The following NCAM1 variants were observed in gnomAD, a reference collection of about 807,000 sequenced individuals.
NCAM1 encodes the protein antigen recognized by monoclonal antibody 5.1H11.
NCAM1 carries 14 observed loss-of-function variants against 109.8 expected under a neutral mutation model. The ratio of observed to expected loss-of-function variants is 0.13; its 90% CI spans 0.08 to 0.20. The LOEUF is 0.20. NCAM1 is among the 10% of genes least tolerant of loss of function. The pLI is 1.00. For synonymous variants in NCAM1, 418 were observed against 442.9 expected, an observed-to-expected ratio of 0.94 and a Z score of 0.70; for missense variants, 774 against 1,109.9, an observed-to-expected ratio of 0.70 and a Z score of 4.30.
chr11:113,136,380 G>C (rs951732426), intron 1 of NCAM1, among the ~76,000 whole-genome samples: 1 of 152,094 alleles, frequency 6.6e-6, no homozygotes, highest in Non-Finnish European at 1.5e-5. Context: ...GGGTGGGCGA[G>C]AGGCAGTGAA....
chr11:112,964,703 T>C (rs1950684391), intron 1 of NCAM1, among the ~76,000 whole-genome samples: 1 of 152,226 alleles, frequency 6.6e-6, no homozygotes, highest in Admixed American at 6.5e-5. Context: ...TTAAACAGAA[T>C]TTCACTGAAT....
chr11:112,972,306 G>C (rs1950905982), intron 1 of NCAM1, among the ~76,000 whole-genome samples: 1 of 152,090 alleles, frequency 6.6e-6, no homozygotes, highest in African/African-American at 2.4e-5. Flanking sequence ...TCAGTGGAGA[G>C]AAAAACACCA....
Position 113,204,267 on chromosome 11 carries a change from A to C in NCAM1, c.128-19A>C. On this transcript the variant is annotated intron_variant, in intron 2 of 19. Transcript: ENST00000316851. ...TCTTTTCGACTTCAGTAGCTTAAAA[A>C]TAATCTCTTCCTCTTTAGTGGCAGG... 6.3e-7 allele frequency: 1 copy of C among 1,588,020 alleles called. No individual in the cohort carries two copies. Among genetic ancestry groups the C allele is most frequent in the East Asian group, 2.3e-5 (1 of 44,078 alleles).
At chr11:112,970,965 A>G (rs1337810533) in intron 1 of NCAM1, among the ~76,000 whole-genome samples, 2 of 152,160 alleles carry the variant, frequency 1.3e-5, no homozygotes, top group African/African-American at 4.8e-5. Flanking sequence ...AAATTAAATA[A>G]TCATGGTACT....
At chr11:113,203,989 T>C (rs1172988253) in intron 2 of NCAM1, among the ~76,000 whole-genome samples, 3 of 152,210 alleles carry the variant, frequency 2.0e-5, no homozygotes, top group Non-Finnish European at 4.4e-5. Flanking sequence ...CACAGTATGT[T>C]CTCAACAAGT....
intron 17 of NCAM1, among the ~76,000 whole-genome samples, chr11:113,261,748 G>A (rs2137666981): frequency 6.6e-6 from 1 of 152,288 alleles, no homozygotes; most frequent in East Asian, 1.9e-4. Flanking sequence ...GTGAGATCAG[G>A]TGAGGCTTGA....
Position 113,277,514 on chromosome 11 carries a change from C to T in NCAM1, c.*2127C>T, listed in dbSNP as rs138566380. The T allele has an allele frequency of 5.1e-4, 204 of 398,446 alleles. 1 individual carries two copies. In the East Asian group the frequency reaches 7.2e-3, roughly 14 times the overall value. 24.7% of individuals were successfully genotyped at this position (398,446 alleles called of 1,614,324 possible). On this transcript the variant is annotated 3_prime_UTR_variant, in exon 20 of 20. Coordinates refer to ENST00000316851, the MANE Select transcript of NCAM1 (RefSeq NM_181351.5). ...ATGTGAGAGCCTGGGTGTCTGAGAC[C>T]GGGAGGGCCCAGCAGTGAGGGGCAG...
At chr11:113,250,060 T>C (rs1188502544) in intron 15 of NCAM1, among the ~76,000 whole-genome samples, 1 of 152,172 alleles carries the variant, frequency 6.6e-6, no homozygotes, top group African/African-American at 2.4e-5. Flanking sequence ...GCAAAGATTC[T>C]GGTCACTCAG....
intron 8 of NCAM1, among the ~76,000 whole-genome samples, chr11:113,214,982 G>T (rs1316912942): frequency 1.3e-5 from 2 of 152,190 alleles, no homozygotes; most frequent in African/African-American, 4.8e-5. Context: ...CAAATGCCTG[G>T]TTGCCATTGT....
chr11:113,258,748 T>C lies in NCAM1; in HGVS notation c.1954-1398T>C, dbSNP rs1945896409. 2.6e-5 allele frequency among the ~76,000 whole-genome samples: 4 copies of C among 152,252 alleles called. No individual in the cohort carries two copies. In the South Asian group the frequency reaches 8.3e-4, roughly 32 times the overall value. ...TAAGTGAATGTATTAAATTATCACA[T>C]GTACCCTGAAAATCTGTATAGCTAT... On this transcript the variant is annotated intron_variant, in intron 16 of 19. Transcript: ENST00000316851.
chr11:113,207,986 C>T lies in NCAM1; in HGVS notation c.900C>T (p.Ile300=), dbSNP rs1555113168. The change falls in exon 7 of 20, where the codon ATC becomes ATT. Residue 300 remains isoleucine (I), a synonymous_variant. Transcript: ENST00000316851. ...AGGCTGGCGAGCAGGATGCGACCAT[C>T]CACCTCAAAGTCTTTGGTAGGGGCA... The part of the protein sequence containing the change: ...ENKAGEQDAT[I]HLKVFAKPKI... 3 of 1,609,682 alleles carry T rather than the reference C, an allele frequency of 1.9e-6. No homozygotes were observed. Among genetic ancestry groups the T allele is most frequent in the Non-Finnish European group, 2.5e-6 (3 of 1,178,104 alleles).
At chr11:113,124,478 G>A (rs1941097396) in intron 1 of NCAM1, among the ~76,000 whole-genome samples, 1 of 152,184 alleles carries the variant, frequency 6.6e-6, no homozygotes, top group Non-Finnish European at 1.5e-5. Flanking sequence ...AGCCAAGCAG[G>A]GGCTGACAGC....
At chr11:113,071,247 T>C (rs2135565225) in intron 1 of NCAM1, among the ~76,000 whole-genome samples, 1 of 152,208 alleles carries the variant, frequency 6.6e-6, no homozygotes, top group East Asian at 1.9e-4. Context: ...AAATTTAAGA[T>C]TACAGAGATG....
At chr11:113,071,639 A>T (rs1179364760) in intron 1 of NCAM1, among the ~76,000 whole-genome samples, 1 of 151,844 alleles carries the variant, frequency 6.6e-6, no homozygotes, top group Non-Finnish European at 1.5e-5. Flanking sequence ...GTTAGCCAGG[A>T]TGGTCTCAAT....
chr11:112,975,345 A>T (rs1950979241), intron 1 of NCAM1, among the ~76,000 whole-genome samples: 1 of 152,014 alleles, frequency 6.6e-6, no homozygotes, highest in South Asian at 2.1e-4. Context: ...TCCAGTATTT[A>T]TGAAATAACT....
chr11:113,206,163 T>C lies in NCAM1; in HGVS notation c.611T>C (p.Ile204Thr). Reference protein sequence around the residue: ...LARGEINFKDIQVIVNVPPTI... With the variant: ...LARGEINFKDTQVIVNVPPTI... ...CGGGGGGAGATCAACTTCAAGGACA[T>C]TCAGGTCATTGTGAATGGTGAGGAG... Residue 204 changes from isoleucine to threonine, a missense_variant, in exon 5 of 20, where the codon ATT becomes ACT. Ile to Thr is a moderately conservative substitution (Grantham distance 89, BLOSUM62 -1). Coordinates refer to ENST00000316851, the MANE Select transcript of NCAM1 (RefSeq NM_181351.5). The C allele has an allele frequency of 6.2e-7, 1 of 1,612,638 alleles. No homozygotes were observed. The highest frequency in any genetic ancestry group is 8.5e-7 in the Non-Finnish European group (1 of 1,179,250).
intron 1 of NCAM1, among the ~76,000 whole-genome samples, chr11:113,167,523 G>A (rs1434096291): frequency 2.5e-5 from 3 of 119,142 alleles, no homozygotes; most frequent in East Asian, 5.5e-4. Context: ...TGGCAGAAAC[G>A]TGTTTTTTTT....
At chr11:112,978,219 G>A (rs1417605519) in intron 1 of NCAM1, among the ~76,000 whole-genome samples, 1 of 149,904 alleles carries the variant, frequency 6.7e-6, no homozygotes, top group Admixed American at 6.8e-5. Context: ...TCTCAGGAGA[G>A]TTAAACATGA....
intron 1 of NCAM1, among the ~76,000 whole-genome samples, chr11:113,159,855 C>A (rs1452394541): frequency 1.9e-5 from 2 of 106,986 alleles, no homozygotes; most frequent in African/African-American, 7.3e-5. Context: ...ATCCCTCCCC[C>A]CTCCCCCCAC....
Sources: gnomAD v4.1 joint callset for allele counts (sites outside exome capture counted in the v4.1 genomes callset) on GRCh38, gnomAD v4.1.1 for gene constraint, MANE v1.5 for transcripts, NCBI Gene and HGNC (gene_info 2026-07-23, HGNC 2026-07-21) for gene names.